The following HS3ST5 variants were observed in gnomAD, a reference collection of about 807,000 sequenced individuals.
The protein encoded by HS3ST5 is heparan sulfate glucosamine 3-O-sulfotransferase 5.
HS3ST5 carries 10 observed loss-of-function variants against 25.4 expected under a neutral mutation model. That is an observed-to-expected ratio of 0.39 (90% CI 0.24 to 0.67). HS3ST5 has a LOEUF of 0.67. Among genes scored for constraint, HS3ST5 ranks in the 30% least tolerant of loss-of-function variants. HS3ST5 has a pLI of 0.44. For synonymous variants in HS3ST5, 170 were observed against 162.4 expected (o/e 1.05, Z -0.36); for missense variants, 324 against 420.7 (o/e 0.77, Z 2.01).
At chr6:114,233,215 T>C (rs1287154229) in intron 1 of HS3ST5, among the ~76,000 whole-genome samples, 1 of 152,192 alleles carries the variant, frequency 6.6e-6, no homozygotes, top group Non-Finnish European at 1.5e-5. Flanking sequence ...CCTTTATATA[T>C]TATTGTCTGA....
intron 3 of HS3ST5, among the ~76,000 whole-genome samples, chr6:114,065,223 A>G (rs1224385123): frequency 2.0e-5 from 3 of 152,354 alleles, no homozygotes; most frequent in African/African-American, 7.2e-5. Context: ...GAAGCTCACA[A>G]TTTTCTCCAA....
chr6:114,322,167 T>C (rs1036904377), intron 1 of HS3ST5, among the ~76,000 whole-genome samples: 12 of 152,264 alleles, frequency 7.9e-5, no homozygotes, highest in African/African-American at 2.6e-4. Context: ...AAATTCTACA[T>C]GCCTGCAAAT....
chr6:114,228,192 A>C (rs7757353), intron 2 of HS3ST5, among the ~76,000 whole-genome samples: 147,487 of 152,178 alleles, frequency 0.97, 71,649 homozygotes, highest in East Asian at 1. Flanking sequence ...CATTCTTACG[A>C]CACATCCCAT....
At chr6:114,085,022 G>T (rs1201745422) in intron 3 of HS3ST5, among the ~76,000 whole-genome samples, 1 of 151,780 alleles carries the variant, frequency 6.6e-6, no homozygotes, top group Non-Finnish European at 1.5e-5. Flanking sequence ...AGTAGAGACA[G>T]GGTTTCACCA....
intron 3 of HS3ST5, among the ~76,000 whole-genome samples, chr6:114,145,507 A>G (rs1778118094): frequency 6.6e-6 from 1 of 152,166 alleles, no homozygotes; most frequent in Non-Finnish European, 1.5e-5. Flanking sequence ...AATGACAGGA[A>G]TGTTCACATG....
rs9374454 is a variant in HS3ST5 at position 114,313,586 on chromosome 6, C to T, written c.-339+28609G>A. ...ACTGTATAATTTCATTTAGAAATGA[C>T]GTTCTAGAACAGGCAACACTAATCG... On this transcript the variant is annotated intron_variant, in intron 1 of 4. Transcript: ENST00000312719. Among the ~76,000 whole-genome samples, 246 of 152,250 alleles carry T rather than the reference C, an allele frequency of 1.6e-3. 6 individuals carry two copies. The East Asian group carries it at 0.041, about 26-fold the overall frequency.
At chr6:114,213,337 C>T (rs1303853295) in intron 2 of HS3ST5, among the ~76,000 whole-genome samples, 15 of 1,178 alleles carry the variant, frequency 0.013, no homozygotes, top group East Asian at 0.071. Flanking sequence ...TACAGGATGG[C>T]GGCGGGGGTG....
At chr6:114,153,884 G>T (rs554952282) in intron 3 of HS3ST5, among the ~76,000 whole-genome samples, 1 of 152,314 alleles carries the variant, frequency 6.6e-6, no homozygotes, top group African/African-American at 2.4e-5. Context: ...GAAAGGTCAA[G>T]ATTATTTTGC....
intron 3 of HS3ST5, chr6:114,112,529 A>G (rs1776317269): frequency 6.6e-6 from 1 of 152,246 alleles, no homozygotes; most frequent in Non-Finnish European, 1.5e-5. Flanking sequence ...AAGTCTGAGT[A>G]TGTTATAAAA....
chr6:114,297,291 G>T (rs60233932), intron 1 of HS3ST5, among the ~76,000 whole-genome samples: 1 of 152,040 alleles, frequency 6.6e-6, no homozygotes, highest in African/African-American at 2.4e-5. Flanking sequence ...GCCTTCACAG[G>T]GCTCCGGTTT....
At chr6:114,291,528 C>A (rs951509558) in intron 1 of HS3ST5, among the ~76,000 whole-genome samples, 1 of 152,044 alleles carries the variant, frequency 6.6e-6, no homozygotes, top group African/African-American at 2.4e-5. Flanking sequence ...ATGGGGTATT[C>A]GATTTGTAGA....
chr6:114,144,432 AAAACTCTTT>A (rs1778056000), intron 3 of HS3ST5, among the ~76,000 whole-genome samples: 3 of 152,366 alleles, frequency 2.0e-5, no homozygotes, highest in Middle Eastern at 3.4e-3. Context: ...ACAAAGAAAG[AAAACTCTTT>A]CAGCTTTGGG....
chr6:114,326,468 C>T (rs984664860), intron 1 of HS3ST5, among the ~76,000 whole-genome samples: 2 of 152,118 alleles, frequency 1.3e-5, no homozygotes, highest in African/African-American at 4.8e-5. Flanking sequence ...GACAATATTA[C>T]AAGTGAAAGA....
intron 1 of HS3ST5, among the ~76,000 whole-genome samples, chr6:114,282,395 C>T (rs1774153009): frequency 6.6e-6 from 1 of 151,882 alleles, no homozygotes; most frequent in Admixed American, 6.6e-5. Flanking sequence ...AGAGAATTGA[C>T]TTTATAATTG....
At chr6:114,205,252 T>C (rs1194079691) in intron 2 of HS3ST5, among the ~76,000 whole-genome samples, 1 of 152,168 alleles carries the variant, frequency 6.6e-6, no homozygotes, top group Non-Finnish European at 1.5e-5. Context: ...TGGTTACAAA[T>C]TTAGAGGTTC....
At position 114,270,992 on chromosome 6, in the gene HS3ST5, T is replaced by C. The variant is rs540408095; in HGVS notation, c.-338-42214A>G. Among the ~76,000 whole-genome samples, 8 of 152,192 alleles carry C rather than the reference T, an allele frequency of 5.3e-5. No homozygotes were observed. The East Asian group carries it at 1.2e-3, about 22-fold the overall frequency. On this transcript the variant is annotated intron_variant, in intron 1 of 4. Coordinates refer to ENST00000312719, the MANE Select transcript of HS3ST5 (RefSeq NM_153612.4). ...GTAGACTTATTATAATAGGTTATCA[T>C]AGAATCGTAGAATCAGAGGGGATCT...
chr6:114,196,376 T>A (rs1780756348), intron 2 of HS3ST5, among the ~76,000 whole-genome samples: 2 of 152,006 alleles, frequency 1.3e-5, no homozygotes, highest in African/African-American at 4.8e-5. Context: ...GGAGACGGAG[T>A]TGAGCAAAAA....
chr6:114,155,392 TAATC>T (rs879567198), intron 3 of HS3ST5, among the ~76,000 whole-genome samples: 2 of 151,960 alleles, frequency 1.3e-5, no homozygotes, highest in African/African-American at 2.4e-5. Context: ...AGTCTTCTGT[TAATC>T]AAGCCAATGG....
chr6:114,215,013 T>A lies in HS3ST5; in HGVS notation c.-145+13572A>T, dbSNP rs534423046. Among the ~76,000 whole-genome samples the A allele has an allele frequency of 9.2e-5, 14 of 152,076 alleles. No individual in the cohort carries two copies. The South Asian group carries it at 2.7e-3, about 29-fold the overall frequency. ...TAGTTTCTGTCCTGTAGTTTCCTGA[T>A]AAAAACTCAGGGCCAGGCGCGGTGG... On this transcript the variant is annotated intron_variant, in intron 2 of 4. Coordinates refer to ENST00000312719, the MANE Select transcript of HS3ST5 (RefSeq NM_153612.4).
Sources: gnomAD v4.1 joint callset for allele counts (sites outside exome capture counted in the v4.1 genomes callset) on GRCh38, gnomAD v4.1.1 for gene constraint, MANE v1.5 for transcripts, NCBI Gene and HGNC (gene_info 2026-07-23, HGNC 2026-07-21) for gene names.